METTL15: variants seen among roughly 807,000 people sequenced by gnomAD.
The protein encoded by METTL15 is 12S rRNA N(4)-cytidine methyltransferase METTL15.
Under a neutral mutation model 38.3 loss-of-function variants are expected in METTL15, and 34 were observed. The ratio of observed to expected loss-of-function variants is 0.89; its 90% confidence interval spans 0.68 to 1.18. The LOEUF (loss-of-function observed/expected upper bound fraction) is 1.18, where lower values mean the gene tolerates loss of function less well. Ranked by LOEUF, METTL15 falls within the 50% of genes most tolerant of loss-of-function variation. The pLI, the probability that METTL15 is intolerant of heterozygous loss-of-function variation, is 0.00. For missense variants in METTL15, 438 were observed against 498.4 expected, an observed-to-expected ratio of 0.88 and a Z score of 1.15; for synonymous variants, 162 against 170.9, an observed-to-expected ratio of 0.95 and a Z score of 0.41.
intron 5 of METTL15, among the ~76,000 whole-genome samples, chr11:28,376,259 C>T (rs1850310435): frequency 6.6e-6 from 1 of 151,928 alleles, no homozygotes; most frequent in Non-Finnish European, 1.5e-5. Context: ...CTAATGTTGA[C>T]AGTGGGGTGT....
chr11:28,196,644 CAAAT>C (rs1851919771), intron 3 of METTL15, among the ~76,000 whole-genome samples: 1 of 151,364 alleles, frequency 6.6e-6, no homozygotes, highest in South Asian at 2.1e-4. Context: ...CATTGGCAAA[CAAAT>C]AGTTTGATTC....
chr11:28,405,584 C>T (rs535911142), intron 5 of METTL15, among the ~76,000 whole-genome samples: 6 of 152,188 alleles, frequency 3.9e-5, no homozygotes, highest in South Asian at 4.1e-4. Context: ...TGTTCAAAAG[C>T]GTGTGAGAAC....
intron 5 of METTL15, chr11:28,410,721 A>T (rs1413375526): frequency 6.6e-6 from 1 of 152,142 alleles, no homozygotes; most frequent in Non-Finnish European, 1.5e-5. Flanking sequence ...CAAGACAGGG[A>T]TGCCTGCTTT....
chr11:28,276,719 A>G (rs1426817343), intron 4 of METTL15, among the ~76,000 whole-genome samples: 2 of 152,220 alleles, frequency 1.3e-5, no homozygotes, highest in Non-Finnish European at 2.9e-5. Flanking sequence ...TGGTATTGGT[A>G]TAAAAATAGA....
chr11:28,183,000 T>C (rs1851350102), intron 3 of METTL15, among the ~76,000 whole-genome samples: 2 of 152,150 alleles, frequency 1.3e-5, no homozygotes. Flanking sequence ...TTCCTAGGTA[T>C]TTTATTCTCT....
intron 5 of METTL15, among the ~76,000 whole-genome samples, chr11:28,376,493 C>A (rs991440211): frequency 2.6e-5 from 4 of 152,002 alleles, no homozygotes; most frequent in African/African-American, 4.8e-5. Flanking sequence ...GCAACCCCTG[C>A]CTTTTTTTGT....
chr11:28,439,859 G>A (rs781366489), intron 6 of METTL15, among the ~76,000 whole-genome samples: 3 of 152,218 alleles, frequency 2.0e-5, no homozygotes, highest in Admixed American at 2.0e-4. Context: ...TGTTAGCAGA[G>A]CATGTAGGTT....
At chr11:28,260,675 T>C (rs1291223831) in intron 4 of METTL15, among the ~76,000 whole-genome samples, 1 of 152,180 alleles carries the variant, frequency 6.6e-6, no homozygotes, top group Non-Finnish European at 1.5e-5. Flanking sequence ...AAAAGTATTA[T>C]AGACACAGAA....
intron 3 of METTL15, among the ~76,000 whole-genome samples, chr11:28,349,084 TTATCTC>T (rs1850020301): frequency 6.6e-6 from 1 of 152,246 alleles, no homozygotes; most frequent in African/African-American, 2.4e-5. Flanking sequence ...ACATTTATAT[TTATCTC>T]TATATACATC....
chr11:28,344,843 C>T (rs1426483133), intron 3 of METTL15, among the ~76,000 whole-genome samples: 1 of 152,124 alleles, frequency 6.6e-6, no homozygotes, highest in Non-Finnish European at 1.5e-5. Flanking sequence ...ATTTTAGCCA[C>T]ATTGTAATTA....
intron 6 of METTL15, among the ~76,000 whole-genome samples, chr11:28,511,629 T>A (rs959532211): frequency 6.6e-6 from 1 of 152,088 alleles, no homozygotes; most frequent in African/African-American, 2.4e-5. Flanking sequence ...GTGTTACAGC[T>A]CTTAAGGCAG....
chr11:28,310,689 C>T (rs763669917), intron 6 of METTL15, among the ~76,000 whole-genome samples: 1 of 152,068 alleles, frequency 6.6e-6, no homozygotes, highest in Non-Finnish European at 1.5e-5. Context: ...ATTTTCTAGT[C>T]TGAGCTATTC....
At position 28,408,290 on chromosome 11, in the gene METTL15, T is replaced by C. The variant is rs184306717; in HGVS notation, c.*359-16009T>C. 8.5e-5 allele frequency among the ~76,000 whole-genome samples: 13 copies of C among 152,246 alleles called. No individual in the cohort carries two copies. In the East Asian group the frequency reaches 2.5e-3, roughly 29 times the overall value. ...ACCTAAGTAACAAACCTGCACGTCC[T>C]GCATATGAATCCCAGAATGTAAAAT... On this transcript the variant is annotated intron_variant and NMD_transcript_variant, in intron 5 of 7. Transcript: ENST00000532947.
intron 6 of METTL15, among the ~76,000 whole-genome samples, chr11:28,300,903 A>G (rs1348853589): frequency 6.6e-6 from 1 of 152,134 alleles, no homozygotes; most frequent in Non-Finnish European, 1.5e-5. Context: ...CTAGAACTAG[A>G]TTCTTCATCA....
intron 3 of METTL15, among the ~76,000 whole-genome samples, chr11:28,132,754 T>C (rs1279507660): frequency 6.6e-6 from 1 of 152,152 alleles, no homozygotes; most frequent in African/African-American, 2.4e-5. Context: ...TGCTTGTGTT[T>C]TGTTTTCATT....
chr11:28,282,759 A>T (rs904678262), intron 4 of METTL15, among the ~76,000 whole-genome samples: 1 of 152,146 alleles, frequency 6.6e-6, no homozygotes, highest in Non-Finnish European at 1.5e-5. Context: ...TCCATTCATC[A>T]TCTTTACCCC....
rs1213209811 is a variant in METTL15, at chr11:28,417,605, G to T, written c.*359-6694G>T. Among the ~76,000 whole-genome samples, 4 of 152,306 alleles carry T rather than the reference G, an allele frequency of 2.6e-5. No homozygotes were observed. The East Asian group carries it at 7.7e-4, about 29-fold the overall frequency. On this transcript the variant is annotated intron_variant and NMD_transcript_variant, in intron 5 of 7. Transcript: ENST00000532947. ...TGGCAGTAGGCAGTAGCATAGATAA[G>T]TCTGGAGTCATATGTTTGAGGTTGG...
intron 4 of METTL15, among the ~76,000 whole-genome samples, chr11:28,234,414 C>A (rs1341868758): frequency 2.6e-5 from 4 of 151,318 alleles, no homozygotes; most frequent in Admixed American, 1.3e-4. Flanking sequence ...AGTTTACAGT[C>A]CCACCAACAG....
At chr11:28,123,737 T>G (rs1852349740) in intron 3 of METTL15, 1 of 529,064 alleles carries the variant, frequency 1.9e-6, no homozygotes, top group Non-Finnish European at 3.2e-6. Flanking sequence ...CATGCTAATT[T>G]AGGCATATAT....
Sources: gnomAD v4.1 joint callset for allele counts (sites outside exome capture counted in the v4.1 genomes callset) on GRCh38, gnomAD v4.1.1 for gene constraint, MANE v1.5 for transcripts, NCBI Gene and HGNC (gene_info 2026-07-23, HGNC 2026-07-21) for gene names.